The following MIAT variants were observed in gnomAD, a reference collection of about 807,000 sequenced individuals.
The protein encoded by MIAT is MI related novel mRNA.
At chr22:26,647,368 G>T in intron 2 of MIAT, 4 of 350,912 alleles carry the variant, frequency 1.1e-5, no homozygotes, top group Admixed American at 1.0e-4. Flanking sequence ...CGGGGACGTG[G>T]GGGGTGGAGA....
At chr22:26,653,095 C>T (rs1037976462) in intron 2 of MIAT, among the ~76,000 whole-genome samples, 1 of 152,208 alleles carries the variant, frequency 6.6e-6, no homozygotes, top group East Asian at 1.9e-4. Context: ...ATGTCCAACC[C>T]TCCGTAGGGA....
chr22:26,657,073 G>C (rs1479043741), intron 2 of MIAT, among the ~76,000 whole-genome samples: 6 of 152,228 alleles, frequency 3.9e-5, no homozygotes, highest in Non-Finnish European at 1.5e-5. Flanking sequence ...TCCTGGTTAA[G>C]CCCTTGGCGC....
At chr22:26,651,409 G>A (rs1049869773) in intron 2 of MIAT, among the ~76,000 whole-genome samples, 2 of 152,190 alleles carry the variant, frequency 1.3e-5, no homozygotes, top group African/African-American at 2.4e-5. Flanking sequence ...GGCTACAGGT[G>A]TGGCCCGGCA....
chr22:26,672,724 G>T, downstream of MIAT: 1 of 399,074 alleles, frequency 2.5e-6, no homozygotes, highest in South Asian at 1.3e-4. Context: ...ATTAGCAGAG[G>T]GGCGTGTCCC....
At chr22:26,663,982 T>C (rs1412044578) in intron 3 of MIAT, among the ~76,000 whole-genome samples, 3 of 149,336 alleles carry the variant, frequency 2.0e-5, no homozygotes, top group African/African-American at 7.5e-5. Context: ...ATGTTCCATA[T>C]ATATGGAAGC....
At chr22:26,666,708 T>C (rs917634466) in exon 4 of MIAT, 2 of 398,452 alleles carry the variant, frequency 5.0e-6, no homozygotes, top group African/African-American at 2.1e-5. Flanking sequence ...TGGGGTGGAA[T>C]AAAGAGAGGT....
Position 26,654,647 on chromosome 22 carries a change from CT to C in MIAT, n.646+7338del, listed in dbSNP as rs369389139. Among the ~76,000 whole-genome samples the C allele has an allele frequency of 7.8e-3, 1,193 of 152,298 alleles. 8 individuals are homozygous for C. Among genetic ancestry groups the C allele is most frequent in the Middle Eastern group, 0.017 (5 of 294 alleles). ...TTCAAGGCTGCAGTGAGCTATGATC[CT>C]TGTCACTGCACTCCAGCCTGGGCAA... On this transcript the variant is annotated intron_variant and non_coding_transcript_variant, in intron 2 of 5. Transcript: ENST00000643270.
At chr22:26,647,338 C>T (rs993300302) in intron 2 of MIAT, 3 of 172,596 alleles carry the variant, frequency 1.7e-5, no homozygotes, top group African/African-American at 2.8e-5. Flanking sequence ...ATGAACCTCA[C>T]GGGTTAGTTG....
At chr22:26,652,464 T>G (rs1930352539) in intron 2 of MIAT, among the ~76,000 whole-genome samples, 2 of 151,986 alleles carry the variant, frequency 1.3e-5, no homozygotes, top group Admixed American at 1.3e-4. Context: ...TTCAAGCAAT[T>G]CTCCTGCCTC....
downstream of MIAT, chr22:26,674,551 C>T (rs748079819): frequency 6.0e-5 from 24 of 398,732 alleles, no homozygotes; most frequent in Non-Finnish European, 9.3e-5. Flanking sequence ...GCCCTTTTCT[C>T]TGGCAACTGT....
intron 3 of MIAT, chr22:26,663,428 G>A (rs1207697616): frequency 2.0e-5 from 8 of 398,502 alleles, no homozygotes; most frequent in African/African-American, 4.1e-5. Context: ...TGTGTCCACT[G>A]GGGATGGTAG....
chr22:26,651,867 G>A (rs1377579724), intron 2 of MIAT, among the ~76,000 whole-genome samples: 1 of 152,250 alleles, frequency 6.6e-6, no homozygotes, highest in South Asian at 2.1e-4. Flanking sequence ...TATTTTGGGG[G>A]TGATGAAAAT....
At chr22:26,654,873 G>A (rs559256342) in intron 2 of MIAT, among the ~76,000 whole-genome samples, 1 of 151,924 alleles carries the variant, frequency 6.6e-6, no homozygotes, top group African/African-American at 2.4e-5. Context: ...CACCATGCCC[G>A]GCTAATTTTT....
At chr22:26,674,685 C>T in exon 5 of MIAT, 1 of 398,670 alleles carries the variant, frequency 2.5e-6, no homozygotes. Flanking sequence ...GCCTTGGCTG[C>T]TGGCAGGGAC....
chr22:26,652,605 C>G (rs576393952), intron 2 of MIAT, among the ~76,000 whole-genome samples: 117 of 152,262 alleles, frequency 7.7e-4, no homozygotes, highest in African/African-American at 2.8e-3. Flanking sequence ...ATCTGCCCCC[C>G]TCGGCCTCCC....
intron 2 of MIAT, chr22:26,657,676 G>A (rs1930512477): frequency 5.0e-6 from 2 of 398,656 alleles, no homozygotes; most frequent in African/African-American, 4.1e-5. Context: ...CCCCATCCTA[G>A]AAGCCTTCCT....
At chr22:26,676,236 C>G (rs972757750) in exon 5 of MIAT, 2 of 396,978 alleles carry the variant, frequency 5.0e-6, no homozygotes, top group Non-Finnish European at 8.9e-6. Context: ...CAAAGGCCCT[C>G]TTGAGAGTCT....
At chr22:26,670,548 C>T, downstream of MIAT, 1 of 394,244 alleles carries the variant, frequency 2.5e-6, no homozygotes, top group Non-Finnish European at 4.4e-6. Flanking sequence ...TGAGATGATA[C>T]CCGACCCTCT....
downstream of MIAT, chr22:26,670,095 G>A (rs1930990350): frequency 7.7e-6 from 3 of 390,450 alleles, no homozygotes; most frequent in Non-Finnish European, 1.3e-5. Context: ...TTAAAACTCA[G>A]CATCTTCTGA....
Sources: gnomAD v4.1 joint callset for allele counts (sites outside exome capture counted in the v4.1 genomes callset) on GRCh38, gnomAD v4.1.1 for gene constraint, MANE v1.5 for transcripts, NCBI Gene and HGNC (gene_info 2026-07-23, HGNC 2026-07-21) for gene names.